Variants in SHCBP1 observed in about 807,000 individuals in gnomAD.
SHCBP1 encodes the protein SHC binding and spindle associated 1, also known as SHC SH2 domain-binding protein 1.
Under a neutral mutation model 75.1 loss-of-function variants are expected in SHCBP1, and 60 were observed. The observed-to-expected ratio is 0.80, with a 90% CI of 0.65 to 0.99. The LOEUF is 0.99. Ranked by LOEUF, SHCBP1 falls within the 50% of genes least tolerant of loss-of-function variation. The pLI, the probability that SHCBP1 is intolerant of heterozygous loss-of-function variation, is 0.00. For synonymous variants in SHCBP1, 290 were observed against 293.2 expected, an observed-to-expected ratio of 0.99 and a Z score of 0.11; for missense variants, 709 against 809.4, an observed-to-expected ratio of 0.88 and a Z score of 1.50.
intron 1 of SHCBP1, among the ~76,000 whole-genome samples, chr16:46,618,576 C>A (rs2334117): frequency 8.4e-6 from 1 of 119,346 alleles, no homozygotes; most frequent in African/African-American, 2.5e-5. Flanking sequence ...AAACAATAAG[C>A]GCTTAAGATC....
chr16:46,606,005 A>C (rs1965321669), intron 5 of SHCBP1, among the ~76,000 whole-genome samples: 1 of 152,122 alleles, frequency 6.6e-6, no homozygotes, highest in Admixed American at 6.5e-5. Flanking sequence ...AAATTTTAAA[A>C]ATAAAAAAAA....
At chr16:46,595,699 TAAG>T in intron 9 of SHCBP1, 29 bp from the exon 10 acceptor site, 1 of 1,547,912 alleles carries the variant, frequency 6.5e-7, no homozygotes, top group South Asian at 1.1e-5. Context: ...CTGACTGTTT[TAAG>T]AAGTAATGTG....
rs1212236330 is a variant in SHCBP1, at chr16:46,581,907, A to G, written c.1841T>C (p.Ile614Thr). 6.2e-7 allele frequency: 1 copy of G among 1,613,970 alleles called. No individual in the cohort carries two copies. The highest frequency in any genetic ancestry group is 8.5e-7 in the Non-Finnish European group (1 of 1,180,032). The change falls in exon 13 of 13, where the codon ATT (isoleucine) becomes ACT (threonine). Residue 614 changes from isoleucine to threonine, a missense_variant. Ile to Thr is a moderately conservative substitution (Grantham distance 89, BLOSUM62 -1). Transcript: ENST00000303383. ...GGAGGCAGCAATTAGTTCATTTACA[A>G]TTTCACAATTTCCCTCGACTTGCTC... The part of the protein sequence containing the change: ...PSEQVEGNCE[I>T]VNELIAASTQ...
In SHCBP1 at chr16:46,585,035, A is replaced by G. The variant is rs1403690909; in HGVS notation, c.1465-946T>C. ...GTAGAGAGGATTTTAAAAATGTGCT[A>G]ATTGTGTCTTCTAAGAGATTTTCAG... On this transcript the variant is annotated intron_variant, in intron 10 of 12. Transcript: ENST00000303383. Among the ~76,000 whole-genome samples, 3 of 152,202 alleles carry G rather than the reference A, an allele frequency of 2.0e-5. No homozygotes were observed. In the East Asian group the frequency reaches 5.8e-4, roughly 29 times the overall value.
intron 10 of SHCBP1, among the ~76,000 whole-genome samples, chr16:46,591,503 C>T (rs540677552): frequency 6.6e-6 from 1 of 151,940 alleles, no homozygotes; most frequent in Non-Finnish European, 1.5e-5. Flanking sequence ...AACAGAACTG[C>T]AAAATATGTG....
At chr16:46,583,415 C>A in intron 12 of SHCBP1, 101 bp downstream of exon 12, 1 of 1,280,286 alleles carries the variant, frequency 7.8e-7, no homozygotes, top group Non-Finnish European at 1.1e-6. Context: ...CATATCCCAA[C>A]AACCTTTTTT....
chr16:46,604,043 C>T lies in SHCBP1; in HGVS notation c.1024G>A (p.Gly342Ser). 6.2e-7 allele frequency: 1 copy of T among 1,614,212 alleles called. No individual in the cohort carries two copies. Among genetic ancestry groups the T allele is most frequent in the Non-Finnish European group, 8.5e-7 (1 of 1,180,032 alleles). Reference protein sequence around the residue: ...THVVSSTMMAGLLRSLLTDRL... With the variant: ...THVVSSTMMASLLRSLLTDRL... ...TCCGTAAGCAGGGACCGCAGGAGACCAGCCATCATGGTGGAGGAGACCACA... is the reference window on the plus strand; with the variant it reads ...TCCGTAAGCAGGGACCGCAGGAGACTAGCCATCATGGTGGAGGAGACCACA... The change falls in exon 7 of 13, where the codon GGT becomes AGT. Residue 342 changes from glycine to serine, a missense_variant. By Grantham distance (56) the Gly-to-Ser change is moderately conservative (BLOSUM62 0). Coordinates refer to ENST00000303383, the MANE Select transcript of SHCBP1 (RefSeq NM_024745.5).
intron 10 of SHCBP1, among the ~76,000 whole-genome samples, chr16:46,586,593 C>T (rs1032865423): frequency 3.9e-5 from 6 of 152,094 alleles, no homozygotes; most frequent in African/African-American, 1.4e-4. Context: ...GGATAATAAG[C>T]CTACAGGTTC....
At chr16:46,584,170 C>CT in intron 10 of SHCBP1, 81 bp from the exon 11 acceptor site, 1 of 982,668 alleles carries the variant, frequency 1.0e-6, no homozygotes, top group Non-Finnish European at 1.5e-6. Context: ...ACTTCTTAGC[C>CT]TTTAACACAG....
intron 10 of SHCBP1, among the ~76,000 whole-genome samples, chr16:46,592,474 G>A (rs1046588419): frequency 6.6e-6 from 1 of 152,056 alleles, no homozygotes; most frequent in African/African-American, 2.4e-5. Flanking sequence ...TTCCAAAAGA[G>A]AAATCTCCGG....
At chr16:46,593,313 C>T (rs1019248468) in intron 10 of SHCBP1, among the ~76,000 whole-genome samples, 2 of 152,044 alleles carry the variant, frequency 1.3e-5, no homozygotes, top group African/African-American at 4.8e-5. Context: ...TATATACTAG[C>T]AATGAATGTA....
chr16:46,616,074 A>G lies in SHCBP1; in HGVS notation c.468T>C (p.Thr156=). 6.2e-6 allele frequency: 10 copies of G among 1,614,206 alleles called. No homozygotes were observed. The highest frequency in any genetic ancestry group is 8.5e-6 in the Non-Finnish European group (10 of 1,180,036). The change falls in exon 4 of 13, where the codon ACT becomes ACC. Residue 156 remains threonine (T), a synonymous_variant. Coordinates refer to ENST00000303383, the MANE Select transcript of SHCBP1 (RefSeq NM_024745.5). The surrounding 1 kb of genome is among the most constrained non-coding windows in gnomAD (Gnocchi z 4.4). The part of the protein sequence containing the change: ...EPYLCDSQVS[T]FTMECMKELL... ...GCTCCTTCATGCACTCCATGGTAAA[A>G]GTGCTCACTTGAGAGTCACAGAGGT...
intron 5 of SHCBP1, among the ~76,000 whole-genome samples, chr16:46,607,326 C>T (rs1274293290): frequency 6.6e-6 from 1 of 152,166 alleles, no homozygotes; most frequent in Admixed American, 6.5e-5. Flanking sequence ...TGCACTCCAG[C>T]CTGGGCAACA....
At chr16:46,587,164 T>C (rs1964966424) in intron 10 of SHCBP1, among the ~76,000 whole-genome samples, 1 of 152,102 alleles carries the variant, frequency 6.6e-6, no homozygotes, top group African/African-American at 2.4e-5. Flanking sequence ...TTAAGACAAT[T>C]ATAAAAAGGA....
chr16:46,603,792 G>T, intron 7 of SHCBP1, 133 bp from the exon 8 acceptor site: 1 of 1,331,842 alleles, frequency 7.5e-7, no homozygotes, highest in Non-Finnish European at 1.0e-6. Flanking sequence ...TCCTTTGATA[G>T]CGCACTGACC....
In SHCBP1 at chr16:46,604,457, A is replaced by G. The variant is rs1397251298; in HGVS notation, c.694T>C (p.Tyr232His). Reference sequence around the variant, plus strand: ...GGAACTCGGTCTTCAAGAATGTCATAATGCCTGAAAGTTTAAAAGCAAAGT... The same window carrying G: ...GGAACTCGGTCTTCAAGAATGTCATGATGCCTGAAAGTTTAAAAGCAAAGT... Reference protein sequence around the residue: ...RCVEPRLRLHYDILEDRVPSG... With the variant: ...RCVEPRLRLHHDILEDRVPSG... Residue 232 changes from tyrosine to histidine, a missense_variant, in exon 6 of 13, where the codon TAT becomes CAT. Tyr to His is a moderately conservative substitution (Grantham distance 83). Transcript: ENST00000303383. 3 of 1,605,624 alleles carry G rather than the reference A, an allele frequency of 1.9e-6. No individual in the cohort carries two copies. The highest frequency in any genetic ancestry group is 1.7e-4 in the Middle Eastern group (1 of 6,038).
At chr16:46,583,752 G>A in intron 11 of SHCBP1, 95 bp from the exon 12 acceptor site, 1 of 1,439,142 alleles carries the variant, frequency 6.9e-7, no homozygotes, top group Admixed American at 2.3e-5. Context: ...AAAATAAAAG[G>A]AAAAAGCTAT....
intron 7 of SHCBP1, 69 bp from the exon 8 acceptor site, chr16:46,603,728 T>A: frequency 2.5e-6 from 4 of 1,582,706 alleles, no homozygotes; most frequent in Non-Finnish European, 3.5e-6. Flanking sequence ...TTACTCTAGG[T>A]GACTTCATGT....
intron 4 of SHCBP1, among the ~76,000 whole-genome samples, chr16:46,612,661 T>C (rs1330548667): frequency 6.6e-6 from 1 of 152,140 alleles, no homozygotes; most frequent in Non-Finnish European, 1.5e-5. Context: ...ACAAGCTCTT[T>C]CAAACCTCCA....
Sources: allele counts gnomAD v4.1 joint callset (sites outside exome capture counted in the v4.1 genomes callset), GRCh38; gene constraint gnomAD v4.1.1; non-coding constraint Gnocchi (gnomAD v3.1); transcripts MANE v1.5; gene names NCBI Gene and HGNC (gene_info 2026-07-23, HGNC 2026-07-21).